The following EPHA6 variants were observed in gnomAD, a reference collection of about 807,000 sequenced individuals.
EPHA6 encodes the protein ephrin type-A receptor 6.
Under a neutral mutation model 112.0 loss-of-function variants are expected in EPHA6, and 50 were observed. The ratio of observed to expected loss-of-function variants is 0.45; its 90% CI spans 0.36 to 0.56. EPHA6 has a LOEUF of 0.56. Ranked by LOEUF, EPHA6 falls within the 20% of genes least tolerant of loss-of-function variation. The pLI, the probability that EPHA6 is intolerant of heterozygous loss-of-function variation, is 0.00. For missense variants in EPHA6, 1,280 were observed against 1,417.4 expected (o/e 0.90, Z 1.56); for synonymous variants, 529 against 490.7 (o/e 1.08, Z -1.03).
At chr3:97,089,276 G>A (rs1163640529) in intron 3 of EPHA6, among the ~76,000 whole-genome samples, 2 of 152,048 alleles carry the variant, frequency 1.3e-5, no homozygotes, top group Non-Finnish European at 2.9e-5. Flanking sequence ...TGGAAAAATA[G>A]TTAACTAATA....
intron 4 of EPHA6, among the ~76,000 whole-genome samples, chr3:97,230,702 A>G (rs2078498154): frequency 6.6e-6 from 1 of 152,190 alleles, no homozygotes; most frequent in Non-Finnish European, 1.5e-5. Context: ...TATACATTGG[A>G]CATACCTAGG....
chr3:97,082,553 T>G (rs996826115), intron 3 of EPHA6, among the ~76,000 whole-genome samples: 7 of 151,942 alleles, frequency 4.6e-5, no homozygotes, highest in Non-Finnish European at 8.8e-5. Flanking sequence ...GATTTTGCCC[T>G]TGCATACACT....
chr3:97,489,456 C>T (rs911146396), intron 10 of EPHA6, among the ~76,000 whole-genome samples: 9 of 152,104 alleles, frequency 5.9e-5, no homozygotes, highest in African/African-American at 2.2e-4. Flanking sequence ...GAGGCCCAGG[C>T]GGGTGGATCA....
At chr3:97,399,087 T>C (rs1420924109) in intron 5 of EPHA6, among the ~76,000 whole-genome samples, 3 of 151,534 alleles carry the variant, frequency 2.0e-5, no homozygotes, top group Non-Finnish European at 4.4e-5. Context: ...TTTAGCTAAC[T>C]TTTCTTTAGC....
At chr3:97,289,357 T>G (rs774281176) in intron 5 of EPHA6, among the ~76,000 whole-genome samples, 1 of 152,128 alleles carries the variant, frequency 6.6e-6, no homozygotes, top group Non-Finnish European at 1.5e-5. Flanking sequence ...CCATTGTTTA[T>G]TTGTATTGAG....
intron 3 of EPHA6, among the ~76,000 whole-genome samples, chr3:97,020,417 T>A (rs183927629): frequency 0.011 from 1,626 of 152,210 alleles, 24 homozygotes; most frequent in African/African-American, 0.037. Context: ...GTAAGAAAAA[T>A]AATATTTCTA....
intron 3 of EPHA6, among the ~76,000 whole-genome samples, chr3:97,190,837 T>C (rs907066891): frequency 2.0e-5 from 3 of 152,006 alleles, no homozygotes; most frequent in African/African-American, 7.2e-5. Flanking sequence ...CTGCACAATG[T>C]GCACATGTAC....
chr3:97,334,194 A>AT (rs1173377112), intron 5 of EPHA6, among the ~76,000 whole-genome samples: 1 of 152,056 alleles, frequency 6.6e-6, no homozygotes, highest in Non-Finnish European at 1.5e-5. Flanking sequence ...TGCTTAATTA[A>AT]TTTTTTTAAT....
At chr3:96,823,347 C>T (rs2033415425) in intron 1 of EPHA6, among the ~76,000 whole-genome samples, 1 of 151,666 alleles carries the variant, frequency 6.6e-6, no homozygotes. Context: ...AAAAGCTGAT[C>T]CATGGCAGTA....
At chr3:97,128,220 A>G (rs1379136045) in intron 3 of EPHA6, among the ~76,000 whole-genome samples, 1 of 152,148 alleles carries the variant, frequency 6.6e-6, no homozygotes, top group Non-Finnish European at 1.5e-5. Flanking sequence ...GTAGAATTCT[A>G]TGGTATATAT....
rs139967409 is a variant in EPHA6, at chr3:97,125,690, G to A, written c.1115-100574G>A. Among the ~76,000 whole-genome samples, 121 of 152,056 alleles carry A rather than the reference G, an allele frequency of 8.0e-4. 1 individual carries two copies. Among genetic ancestry groups the A allele is most frequent in the African/African-American group, 2.8e-3 (116 of 41,504 alleles). ...GACTAAAAATTCTTTATTATTATGT[G>A]GATAAATAAATGATTTAAATAAAAT... On this transcript the variant is annotated intron_variant, in intron 3 of 17. Transcript: ENST00000389672.
intron 3 of EPHA6, among the ~76,000 whole-genome samples, chr3:97,172,650 G>A (rs528773317): frequency 6.6e-6 from 1 of 151,872 alleles, no homozygotes; most frequent in Non-Finnish European, 1.5e-5. Flanking sequence ...TCTGGCCCAT[G>A]AATATGTATC....
At chr3:97,035,061 T>C (rs2045034676) in intron 3 of EPHA6, among the ~76,000 whole-genome samples, 1 of 152,000 alleles carries the variant, frequency 6.6e-6, no homozygotes, top group Admixed American at 6.6e-5. Flanking sequence ...ACCCTGACTT[T>C]GTTTTGCTCT....
At chr3:96,972,579 T>C (rs1162106130) in intron 2 of EPHA6, among the ~76,000 whole-genome samples, 1 of 152,132 alleles carries the variant, frequency 6.6e-6, no homozygotes, top group Admixed American at 6.6e-5. Context: ...AGATTGGTTT[T>C]AACTGATATT....
chr3:97,050,100 T>A (rs2045637174), intron 3 of EPHA6, among the ~76,000 whole-genome samples: 1 of 152,202 alleles, frequency 6.6e-6, no homozygotes, highest in Admixed American at 6.5e-5. Context: ...AATCTCTCTT[T>A]CATTGACAAG....
intron 11 of EPHA6, among the ~76,000 whole-genome samples, chr3:97,564,538 TA>T (rs1358021401): frequency 6.6e-6 from 1 of 152,154 alleles, no homozygotes; most frequent in Non-Finnish European, 1.5e-5. Context: ...GGGTCAACTT[TA>T]TTAAGGGTCG....
chr3:97,623,743 C>G (rs546869698), intron 13 of EPHA6, among the ~76,000 whole-genome samples: 1 of 151,608 alleles, frequency 6.6e-6, no homozygotes, highest in Non-Finnish European at 1.5e-5. Flanking sequence ...ACTCTTAATA[C>G]TATCACATTA....
intron 14 of EPHA6, among the ~76,000 whole-genome samples, chr3:97,675,099 G>A (rs139172422): frequency 6.6e-6 from 1 of 152,270 alleles, no homozygotes; most frequent in East Asian, 1.9e-4. Context: ...AACAAAACGT[G>A]TAGAAAGCAA....
chr3:97,738,549 T>A (rs1412535399), intron 16 of EPHA6, among the ~76,000 whole-genome samples: 1 of 151,992 alleles, frequency 6.6e-6, no homozygotes, highest in Non-Finnish European at 1.5e-5. Flanking sequence ...GAATGTAAGA[T>A]GAGAAAGTGT....
Sources: allele counts gnomAD v4.1 joint callset (sites outside exome capture counted in the v4.1 genomes callset), GRCh38; gene constraint gnomAD v4.1.1; transcripts MANE v1.5; gene names NCBI Gene and HGNC (gene_info 2026-07-23, HGNC 2026-07-21).